The following PCCA variants were observed in gnomAD, a reference collection of about 807,000 sequenced individuals.
PCCA encodes the protein propionyl-CoA carboxylase subunit alpha.
Under a neutral mutation model 101.3 loss-of-function variants are expected in PCCA, and 74 were observed. That is an observed-to-expected ratio of 0.73 (90% CI 0.61 to 0.89). PCCA has a LOEUF of 0.89. Ranked by LOEUF, PCCA falls within the 40% of genes least tolerant of loss-of-function variation. The pLI is 0.00. For synonymous variants in PCCA, 294 were observed against 313.6 expected, an observed-to-expected ratio of 0.94 and a Z score of 0.66; for missense variants, 891 against 907.0, an observed-to-expected ratio of 0.98 and a Z score of 0.23.
intron 4 of PCCA, among the ~76,000 whole-genome samples, chr13:100,133,484 G>A (rs759844879): frequency 6.6e-6 from 1 of 152,248 alleles, no homozygotes; most frequent in Non-Finnish European, 1.5e-5. Context: ...TTCAGGCCAC[G>A]AAGATTTTCT....
At chr13:100,123,659 T>A (rs1200379236) in intron 4 of PCCA, among the ~76,000 whole-genome samples, 1 of 152,052 alleles carries the variant, frequency 6.6e-6, no homozygotes, top group African/African-American at 2.4e-5. Context: ...AGAGTAAATA[T>A]GCAAGAATAG....
intron 6 of PCCA, among the ~76,000 whole-genome samples, chr13:100,167,112 A>G (rs765023137): frequency 6.6e-6 from 1 of 152,190 alleles, no homozygotes; most frequent in Non-Finnish European, 1.5e-5. Flanking sequence ...TTTGTCTGGT[A>G]CATGTCATTG....
At position 100,120,665 on chromosome 13, in the gene PCCA, C is replaced by A. The variant is rs988450551; in HGVS notation, c.300+8604C>A. Among the ~76,000 whole-genome samples, 3 of 152,260 alleles carry A rather than the reference C, an allele frequency of 2.0e-5. No individual in the cohort carries two copies. The East Asian group carries it at 5.8e-4, about 29-fold the overall frequency. On this transcript the variant is annotated intron_variant, in intron 4 of 23. Transcript: ENST00000376285. Reference sequence around the variant, plus strand: ...GGCTATAGGGAAGCAGTATAAAATACTCCAATGGGAATTGGTCAGGGCAGG... The same window carrying A: ...GGCTATAGGGAAGCAGTATAAAATAATCCAATGGGAATTGGTCAGGGCAGG...
chr13:100,321,591 C>CTG (rs35931512), intron 16 of PCCA, among the ~76,000 whole-genome samples: 6,991 of 131,920 alleles, frequency 0.053, 228 homozygotes, highest in African/African-American at 0.11. Context: ...TATAGAAGAT[C>CTG]TGTGTGTGTG....
intron 19 of PCCA, among the ~76,000 whole-genome samples, chr13:100,392,967 A>C (rs1347298021): frequency 6.6e-6 from 1 of 151,044 alleles, no homozygotes; most frequent in Non-Finnish European, 1.5e-5. Context: ...GTAAGTAAAG[A>C]GAGAAGCCAG....
At chr13:100,090,528 A>G (rs754303476) in intron 1 of PCCA, among the ~76,000 whole-genome samples, 84 of 152,000 alleles carry the variant, frequency 5.5e-4, no homozygotes, top group Non-Finnish European at 8.8e-4. Flanking sequence ...CCTTGTAGCT[A>G]TTTTTTTCAA....
At chr13:100,440,807 G>T (rs998164995) in intron 20 of PCCA, among the ~76,000 whole-genome samples, 7 of 152,102 alleles carry the variant, frequency 4.6e-5, no homozygotes, top group African/African-American at 1.7e-4. Flanking sequence ...ATAAGTAGAG[G>T]TTGGTATTTT....
intron 4 of PCCA, among the ~76,000 whole-genome samples, chr13:100,135,837 A>G (rs1024845116): frequency 6.6e-6 from 1 of 151,802 alleles, no homozygotes; most frequent in African/African-American, 2.4e-5. Context: ...GATCCTGTCT[A>G]CTCCTAATCT....
intron 21 of PCCA, among the ~76,000 whole-genome samples, chr13:100,482,916 G>A (rs77344977): frequency 0.1 from 15,922 of 152,200 alleles, 1,403 homozygotes; most frequent in African/African-American, 0.24. Context: ...TGATAGTGAA[G>A]GTGCATACTA....
At chr13:100,339,712 G>A (rs957707218) in intron 17 of PCCA, among the ~76,000 whole-genome samples, 7 of 152,132 alleles carry the variant, frequency 4.6e-5, no homozygotes, top group African/African-American at 1.7e-4. Flanking sequence ...AGAAAGCATG[G>A]CCTCATCTGT....
In PCCA at chr13:100,320,252, C is replaced by T. The variant is rs548423821; in HGVS notation, c.1430-10309C>T. ...GAGATGATAGGGTTTTCTAGATATA[C>T]AATCATGTCATCTGCAAACAGGGAC... On this transcript the variant is annotated intron_variant, in intron 16 of 23. Coordinates refer to ENST00000376285, the MANE Select transcript of PCCA (RefSeq NM_000282.4). Among the ~76,000 whole-genome samples, 107 of 152,282 alleles carry T rather than the reference C, an allele frequency of 7.0e-4. 3 individuals carry two copies. Among genetic ancestry groups the T allele is most frequent in the Admixed American group, 7.0e-3 (107 of 15,298 alleles).
chr13:100,280,418 T>G (rs185553037), intron 12 of PCCA, among the ~76,000 whole-genome samples: 56 of 152,166 alleles, frequency 3.7e-4, no homozygotes, highest in African/African-American at 1.3e-3. Flanking sequence ...CCTTTCAGTT[T>G]GACTTCTTTG....
chr13:100,486,613 T>A (rs1023784181), intron 21 of PCCA, among the ~76,000 whole-genome samples: 2 of 152,166 alleles, frequency 1.3e-5, no homozygotes, highest in South Asian at 4.1e-4. Flanking sequence ...TTGCTTTGTT[T>A]TACAAACACA....
At chr13:100,267,219 A>G (rs2062995917) in intron 10 of PCCA, among the ~76,000 whole-genome samples, 1 of 152,160 alleles carries the variant, frequency 6.6e-6, no homozygotes, top group Non-Finnish European at 1.5e-5. Flanking sequence ...CTTTCTTGTC[A>G]ACTAGAATTT....
intron 7 of PCCA, among the ~76,000 whole-genome samples, chr13:100,232,384 G>GTGTGTGTGTGTT (rs1446278935): frequency 2.2e-4 from 33 of 151,294 alleles, no homozygotes; most frequent in African/African-American, 5.6e-4. Flanking sequence ...GTGTGTGTGT[G>GTGTGTGTGTGTT]TGTGTGTGGT....
intron 4 of PCCA, chr13:100,150,589 T>C: frequency 8.3e-7 from 1 of 1,212,110 alleles, no homozygotes; most frequent in East Asian, 2.3e-5. Flanking sequence ...CCAGGGCTCT[T>C]TTGGCCTGCA....
intron 21 of PCCA, among the ~76,000 whole-genome samples, chr13:100,460,151 T>TTGGTGAAGC (rs2082072635): frequency 6.6e-6 from 1 of 152,244 alleles, no homozygotes; most frequent in African/African-American, 2.4e-5. Flanking sequence ...TTTGTTTGTT[T>TTGGTGAAGC]TGTTTGCATG....
chr13:100,282,932 G>T (rs913392995), intron 12 of PCCA, among the ~76,000 whole-genome samples: 2 of 152,008 alleles, frequency 1.3e-5, no homozygotes, highest in Admixed American at 6.5e-5. Context: ...AATAAGCAAA[G>T]AAATCTCCAA....
In PCCA at chr13:100,103,875, A is replaced by G. The variant is rs9585347; in HGVS notation, c.183+915A>G. On this transcript the variant is annotated intron_variant, in intron 2 of 23. Coordinates refer to ENST00000376285, the MANE Select transcript of PCCA (RefSeq NM_000282.4). ...GGTCTCAAACTCCTGACCTCAGGTCATCCGCCTGCCTCGAGCTCCCAAAGT... is the reference window on the plus strand; with the variant it reads ...GGTCTCAAACTCCTGACCTCAGGTCGTCCGCCTGCCTCGAGCTCCCAAAGT... Among the ~76,000 whole-genome samples the G allele has an allele frequency of 5.5e-4, 84 of 152,286 alleles. 1 individual carries two copies. Among genetic ancestry groups the G allele is most frequent in the South Asian group, 4.1e-3 (20 of 4,822 alleles).
Sources: allele counts gnomAD v4.1 joint callset (sites outside exome capture counted in the v4.1 genomes callset), GRCh38; gene constraint gnomAD v4.1.1; transcripts MANE v1.5; gene names NCBI Gene and HGNC (gene_info 2026-07-23, HGNC 2026-07-21).